The following GALNT13 variants were observed in gnomAD, a reference collection of about 807,000 sequenced individuals.
GALNT13 encodes polypeptide N-acetylgalactosaminyltransferase 13, also known as UDP-GalNAc:polypeptide N-acetylgalactosaminyltransferase 13.
In GALNT13, 28 loss-of-function variants were observed where a neutral mutation model predicts 64.2. That is an observed-to-expected ratio of 0.44 (90% CI 0.32 to 0.60). The LOEUF is 0.60. Among genes scored for constraint, GALNT13 ranks in the 20% least tolerant of loss-of-function variants. The pLI is 0.05. For missense variants in GALNT13, 577 were observed against 669.8 expected, an observed-to-expected ratio of 0.86 and a Z score of 1.53; for synonymous variants, 214 against 224.6, an observed-to-expected ratio of 0.95 and a Z score of 0.42.
chr2:153,875,845 C>CTTTAACTAA (rs1247763350), intron 1 of GALNT13, among the ~76,000 whole-genome samples: 5 of 152,090 alleles, frequency 3.3e-5, no homozygotes, highest in Non-Finnish European at 5.9e-5. Flanking sequence ...TAGTTATGAC[C>CTTTAACTAA]TTTAACTAAT....
At chr2:154,140,723 T>G (rs1362086792) in intron 4 of GALNT13, among the ~76,000 whole-genome samples, 1 of 152,134 alleles carries the variant, frequency 6.6e-6, no homozygotes, top group Admixed American at 6.6e-5. Context: ...TGCTGCAAAA[T>G]ACTCAGGCCA....
intron 9 of GALNT13, among the ~76,000 whole-genome samples, chr2:154,320,062 A>G (rs531116209): frequency 6.6e-6 from 1 of 152,234 alleles, no homozygotes; most frequent in East Asian, 1.9e-4. Flanking sequence ...TTATGTAATA[A>G]CAGACTATTA....
chr2:153,779,116 A>G, the GALNT13 span, among the ~76,000 whole-genome samples: 9 of 152,196 alleles, frequency 5.9e-5, no homozygotes, highest in African/African-American at 1.7e-4. Flanking sequence ...AGTACATAAT[A>G]AGTACTGAAT....
At chr2:154,228,203 G>C (rs891419929) in intron 4 of GALNT13, among the ~76,000 whole-genome samples, 1 of 151,640 alleles carries the variant, frequency 6.6e-6, no homozygotes, top group Non-Finnish European at 1.5e-5. Flanking sequence ...ATTTGCCTCA[G>C]CCTCAAAGAG....
At chr2:153,888,420 G>T (rs1437772749) in intron 1 of GALNT13, among the ~76,000 whole-genome samples, 1 of 151,856 alleles carries the variant, frequency 6.6e-6, no homozygotes, top group Non-Finnish European at 1.5e-5. Context: ...AAATAGTATT[G>T]TATTTATCTG....
the GALNT13 span, among the ~76,000 whole-genome samples, chr2:153,724,176 A>C: frequency 1.4e-5 from 2 of 142,630 alleles, no homozygotes; most frequent in African/African-American, 5.7e-5. Flanking sequence ...CTGATCTTTG[A>C]CAAACCGGAG....
chr2:153,966,716 G>A (rs928288761), intron 3 of GALNT13, among the ~76,000 whole-genome samples: 3 of 151,586 alleles, frequency 2.0e-5, no homozygotes, highest in Admixed American at 1.3e-4. Flanking sequence ...AATATTATAT[G>A]CTTTAAGGTA....
At chr2:153,933,834 T>C (rs1419035416) in intron 2 of GALNT13, among the ~76,000 whole-genome samples, 3 of 152,222 alleles carry the variant, frequency 2.0e-5, no homozygotes, top group African/African-American at 7.2e-5. Flanking sequence ...AGGATTTTAT[T>C]TCTCCTTCTC....
At chr2:153,750,702 A>G in the GALNT13 span, among the ~76,000 whole-genome samples, 15 of 149,812 alleles carry the variant, frequency 1.0e-4, no homozygotes, top group Non-Finnish European at 1.8e-4. Flanking sequence ...ATTTATTTGG[A>G]CCTTTTCTCA....
chr2:153,998,789 T>C (rs1574297434), intron 3 of GALNT13, among the ~76,000 whole-genome samples: 1 of 152,174 alleles, frequency 6.6e-6, no homozygotes, highest in South Asian at 2.1e-4. Context: ...TGTTTAAGTC[T>C]GTACTCCATC....
chr2:153,942,278 G>A (rs1691392056), intron 2 of GALNT13, among the ~76,000 whole-genome samples: 1 of 152,230 alleles, frequency 6.6e-6, no homozygotes, highest in South Asian at 2.1e-4. Context: ...TGATGACAGA[G>A]CCAGGGATGG....
chr2:153,478,812 AGG>A, the GALNT13 span: 4 of 446,234 alleles, frequency 9.0e-6, no homozygotes, highest in African/African-American at 2.1e-5. Flanking sequence ...CGCTCGCTCG[AGG>A]GGGGGCTGTT....
chr2:153,374,973 C>T, the GALNT13 span, among the ~76,000 whole-genome samples: 6 of 152,210 alleles, frequency 3.9e-5, no homozygotes, highest in African/African-American at 4.8e-5. Flanking sequence ...TCCTTTCATT[C>T]GACACTCCTC....
At chr2:153,699,323 G>A in the GALNT13 span, among the ~76,000 whole-genome samples, 3 of 152,122 alleles carry the variant, frequency 2.0e-5, no homozygotes. Flanking sequence ...CAGTATCTCT[G>A]GGACACAGCT....
chr2:153,832,455 A>G, the GALNT13 span, among the ~76,000 whole-genome samples: 2 of 152,132 alleles, frequency 1.3e-5, no homozygotes, highest in African/African-American at 4.8e-5. Context: ...GGAATTAGGT[A>G]TGTAGTTGTA....
intron 9 of GALNT13, among the ~76,000 whole-genome samples, chr2:154,346,464 T>G (rs993528152): frequency 6.6e-6 from 1 of 152,070 alleles, no homozygotes. Context: ...CAGTGGGAGA[T>G]AATTGAATCG....
the GALNT13 span, among the ~76,000 whole-genome samples, chr2:153,694,428 T>C: frequency 0.016 from 2,495 of 152,220 alleles, 56 homozygotes; most frequent in African/African-American, 0.056. Context: ...TGATGAAATA[T>C]AGCAATTGAA....
chr2:153,674,887 G>C, the GALNT13 span, among the ~76,000 whole-genome samples: 3 of 152,020 alleles, frequency 2.0e-5, no homozygotes, highest in African/African-American at 7.2e-5. Flanking sequence ...TTGAGCGAAG[G>C]ATATGAACAG....
chr2:153,306,112 C>T, the GALNT13 span, among the ~76,000 whole-genome samples: 11 of 152,138 alleles, frequency 7.2e-5, no homozygotes, highest in African/African-American at 2.7e-4. Flanking sequence ...TTCTTTATGA[C>T]CCACATGCTT....
Sources: allele counts gnomAD v4.1 joint callset (sites outside exome capture counted in the v4.1 genomes callset), GRCh38; gene constraint gnomAD v4.1.1; transcripts MANE v1.5; gene names NCBI Gene and HGNC (gene_info 2026-07-23, HGNC 2026-07-21).